Variants in DNMT3A observed in about 807,000 individuals in gnomAD.
The protein encoded by DNMT3A is DNA (cytosine-5)-methyltransferase 3A.
In DNMT3A, 267 loss-of-function variants were observed where a neutral mutation model predicts 117.6. The observed-to-expected ratio is 2.27, with a 90% CI of 2.05 to 2.51. The LOEUF (loss-of-function observed/expected upper bound fraction) is 2.51. DNMT3A is among the 30% of genes most tolerant of loss of function. The pLI is 0.00. For missense variants in DNMT3A, 1,029 were observed against 1,260.2 expected, an observed-to-expected ratio of 0.82 and a Z score of 2.78; for synonymous variants, 432 against 474.8, an observed-to-expected ratio of 0.91 and a Z score of 1.17.
chr2:25,276,543 C>T (rs2031425299), intron 4 of DNMT3A, among the ~76,000 whole-genome samples: 1 of 152,236 alleles, frequency 6.6e-6, no homozygotes. Flanking sequence ...TCCAAGCCCC[C>T]AGCATGAGGG....
At chr2:25,244,500 G>A (rs749090667) in intron 14 of DNMT3A, 40 bp downstream of exon 14, 3 of 1,607,232 alleles carry the variant, frequency 1.9e-6, no homozygotes, top group Non-Finnish European at 2.6e-6. Flanking sequence ...GGAGCCTGGG[G>A]CCCAGCTAAG....
chr2:25,260,352 T>C (rs1676495688), intron 6 of DNMT3A, among the ~76,000 whole-genome samples: 1 of 151,982 alleles, frequency 6.6e-6, no homozygotes, highest in Admixed American at 6.6e-5. Context: ...GCTCCAGGAG[T>C]GTGCCTTTTT....
At chr2:25,317,034 C>T (rs188005017) in intron 1 of DNMT3A, among the ~76,000 whole-genome samples, 198 of 152,364 alleles carry the variant, frequency 1.3e-3, no homozygotes, top group Middle Eastern at 3.4e-3. Flanking sequence ...TCACTACCTT[C>T]TAAACTCAAT....
Position 25,237,085 on chromosome 2 carries a change from T to C in DNMT3A, c.2409-80A>G, listed in dbSNP as rs1573301251. On this transcript the variant is annotated intron_variant, in intron 20 of 22. Transcript: ENST00000321117. The surrounding 1 kb of genome is among the most constrained non-coding windows in gnomAD (Gnocchi z 5.4). The stretch of plus-strand genomic sequence containing the variant: ...GCCCCAGCTGCACGACTCCCCTCCC[T>C]CCCCCAGCAGCCACTAGTTCACAGG... The C allele has an allele frequency of 4.3e-6, 6 of 1,402,030 alleles. No homozygotes were observed. Among genetic ancestry groups the C allele is most frequent in the Non-Finnish European group, 3.0e-6 (3 of 1,011,746 alleles). 86.8% of individuals were successfully genotyped at this position (1,402,030 alleles called of 1,614,324 possible).
At chr2:25,271,575 T>C (rs2030909585) in intron 6 of DNMT3A, among the ~76,000 whole-genome samples, 1 of 152,230 alleles carries the variant, frequency 6.6e-6, no homozygotes, top group Non-Finnish European at 1.5e-5. Flanking sequence ...ATTCTAGTCC[T>C]GTTCCCAATT....
At position 25,231,012 on chromosome 2, in the gene DNMT3A, G is replaced by T. The variant is rs1672848952; in HGVS notation, c.*3267C>A. Reference sequence around the variant, plus strand: ...CCCAAGTCCCAACACCAACCCTTTGGTTGGAGCACCAGGCCCAGTTCCGGT... The same window carrying T: ...CCCAAGTCCCAACACCAACCCTTTGTTTGGAGCACCAGGCCCAGTTCCGGT... On this transcript the variant is annotated 3_prime_UTR_variant, in exon 23 of 23. Transcript: ENST00000321117. 6.6e-6 allele frequency: 1 copy of T among 152,280 alleles called. No individual in the cohort carries two copies. Among genetic ancestry groups the T allele is most frequent in the Non-Finnish European group, 1.5e-5 (1 of 68,076 alleles). The allele number at this position is 152,280 out of a possible 1,614,324, so 9.4% of individuals were successfully genotyped here.
intron 1 of DNMT3A, among the ~76,000 whole-genome samples, chr2:25,326,106 A>ATGTG (rs1159330144): frequency 1.4e-3 from 142 of 103,350 alleles, no homozygotes; most frequent in Middle Eastern, 4.2e-3. Flanking sequence ...AACTTGATAT[A>ATGTG]TATGTGTGTG....
chr2:25,278,088 TGTC>T (rs1193799850), intron 4 of DNMT3A, among the ~76,000 whole-genome samples: 1 of 150,628 alleles, frequency 6.6e-6, no homozygotes. Context: ...ATGCGGCACT[TGTC>T]GTGAGTCAGG....
chr2:25,317,366 G>GACAT (rs2149433488), intron 1 of DNMT3A, among the ~76,000 whole-genome samples: 2 of 152,014 alleles, frequency 1.3e-5, no homozygotes, highest in South Asian at 4.1e-4. Context: ...CTGGCCAAAA[G>GACAT]ATTTTTTAAG....
At chr2:25,272,935 G>T (rs1375860981) in intron 6 of DNMT3A, among the ~76,000 whole-genome samples, 2 of 150,250 alleles carry the variant, frequency 1.3e-5, no homozygotes, top group Non-Finnish European at 3.0e-5. Flanking sequence ...TTGAGTAGCT[G>T]GGACTATAGG....
At chr2:25,244,078 C>A in intron 15 of DNMT3A, 77 bp downstream of exon 15, 1 of 1,600,582 alleles carries the variant, frequency 6.2e-7, no homozygotes, top group Non-Finnish European at 8.5e-7. Flanking sequence ...GACCCACACA[C>A]CCTGCGCACA....
chr2:25,290,313 G>A (rs1178358763), intron 3 of DNMT3A, among the ~76,000 whole-genome samples: 1 of 143,502 alleles, frequency 7.0e-6, no homozygotes, highest in Non-Finnish European at 1.5e-5. Context: ...CTAATTTTAT[G>A]GAAGTGATTT....
In DNMT3A at chr2:25,300,296, C is replaced by T. The variant is rs2033356329; in HGVS notation, c.73-53G>A. 4 of 1,574,266 alleles carry T rather than the reference C, an allele frequency of 2.5e-6. No homozygotes were observed. The East Asian group carries it at 9.1e-5, about 36-fold the overall frequency. ...CCAGAGGTGGATCCCAGCAGTGTAG[C>T]ATTCCAGGCCTGTCTGGGGCTGGCC... On this transcript the variant is annotated intron_variant, in intron 2 of 22. Transcript: ENST00000321117.
intron 1 of DNMT3A, among the ~76,000 whole-genome samples, chr2:25,340,890 C>T (rs1277330181): frequency 4.9e-5 from 7 of 143,774 alleles, no homozygotes; most frequent in Non-Finnish European, 9.3e-5. Context: ...TCCTCGCCCG[C>T]CCCCGCCCCG....
chr2:25,285,597 C>A (rs1195356067), intron 3 of DNMT3A, among the ~76,000 whole-genome samples: 7 of 152,216 alleles, frequency 4.6e-5, no homozygotes, highest in Admixed American at 3.3e-4. Flanking sequence ...GAGGAGGTGA[C>A]TGGTAAAAGC....
At chr2:25,297,217 T>A (rs2033142880) in intron 3 of DNMT3A, among the ~76,000 whole-genome samples, 1 of 152,130 alleles carries the variant, frequency 6.6e-6, no homozygotes, top group Non-Finnish European at 1.5e-5. Flanking sequence ...TCTTTCTCGG[T>A]TCCTCCAATG....
chr2:25,328,890 A>T (rs2034899241), intron 1 of DNMT3A, among the ~76,000 whole-genome samples: 1 of 152,152 alleles, frequency 6.6e-6, no homozygotes, highest in Non-Finnish European at 1.5e-5. Flanking sequence ...AGTGAACCAC[A>T]GGAATCAGGG....
upstream of DNMT3A, chr2:25,341,926 G>GCCCT (rs567631863): frequency 0.031 from 29,721 of 973,940 alleles, 514 homozygotes; most frequent in Middle Eastern, 0.076. Flanking sequence ...CCGCCCGCGC[G>GCCCT]CCCTCCCTCC....
chr2:25,314,988 C>T (rs1380552054), intron 1 of DNMT3A, among the ~76,000 whole-genome samples: 3 of 152,214 alleles, frequency 2.0e-5, no homozygotes, highest in African/African-American at 7.2e-5. Context: ...TCTCAGCCCC[C>T]TCACTCAGAG....
Sources: allele counts gnomAD v4.1 joint callset (sites outside exome capture counted in the v4.1 genomes callset), GRCh38; gene constraint gnomAD v4.1.1; non-coding constraint Gnocchi (gnomAD v3.1); transcripts MANE v1.5; gene names NCBI Gene and HGNC (gene_info 2026-07-23, HGNC 2026-07-21).